The following PITPNM2 variants were observed in gnomAD, a reference collection of about 807,000 sequenced individuals.
PITPNM2 encodes phosphatidylinositol transfer protein membrane associated 2, also known as membrane-associated phosphatidylinositol transfer protein 2.
A neutral mutation model predicts 132.2 loss-of-function variants in PITPNM2; 35 were observed. That is an observed-to-expected ratio of 0.26 (90% CI 0.20 to 0.35). The LOEUF is 0.35. PITPNM2 is among the 10% of genes least tolerant of loss of function. The probability of loss-of-function intolerance (pLI) is 1.00; values close to 1 mark genes in which losing one functional copy is unlikely to be tolerated. For synonymous variants in PITPNM2, 738 were observed against 799.2 expected (o/e 0.92, Z 1.29); for missense variants, 1,332 against 1,912.0 (o/e 0.70, Z 5.66).
At chr12:123,098,738 G>A (rs183453157) in intron 2 of PITPNM2, among the ~76,000 whole-genome samples, 1 of 152,162 alleles carries the variant, frequency 6.6e-6, no homozygotes, top group African/African-American at 2.4e-5. Context: ...CACAAGGTTG[G>A]CGAGTGAGTC....
At chr12:123,026,299 G>C (rs558265738) in intron 3 of PITPNM2, among the ~76,000 whole-genome samples, 1 of 152,318 alleles carries the variant, frequency 6.6e-6, no homozygotes, top group African/African-American at 2.4e-5. Context: ...TAAATGGAGT[G>C]ACGTGGCCAC....
intron 2 of PITPNM2, among the ~76,000 whole-genome samples, chr12:123,080,473 C>T (rs546449690): frequency 6.6e-6 from 1 of 152,326 alleles, no homozygotes; most frequent in African/African-American, 2.4e-5. Flanking sequence ...GTTGCAGGCC[C>T]AGAGGCCCCA....
At chr12:123,038,917 C>T (rs890671831) in intron 2 of PITPNM2, among the ~76,000 whole-genome samples, 34 of 152,156 alleles carry the variant, frequency 2.2e-4, no homozygotes, top group African/African-American at 7.5e-4. Context: ...CTGGGCAATA[C>T]AGTGAGATAC....
chr12:123,021,612 G>A, intron 3 of PITPNM2: 2 of 931,320 alleles, frequency 2.1e-6, no homozygotes, highest in Non-Finnish European at 2.6e-6. Flanking sequence ...CCACTGCGGT[G>A]TCAGGTGAAG....
At chr12:123,128,370 A>G (rs1299593287) in intron 1 of PITPNM2, among the ~76,000 whole-genome samples, 1 of 129,234 alleles carries the variant, frequency 7.7e-6, no homozygotes, top group African/African-American at 3.0e-5. Context: ...TGAGCACAGG[A>G]GGTGGAGGTT....
At chr12:123,140,335 G>C (rs551688339) in intron 1 of PITPNM2, among the ~76,000 whole-genome samples, 1 of 152,304 alleles carries the variant, frequency 6.6e-6, no homozygotes, top group South Asian at 2.1e-4. Flanking sequence ...GGCACCCCCA[G>C]AGGACACAGC....
intron 1 of PITPNM2, among the ~76,000 whole-genome samples, chr12:123,112,293 C>T (rs1343923944): frequency 6.6e-6 from 1 of 152,118 alleles, no homozygotes; most frequent in Non-Finnish European, 1.5e-5. Context: ...CAGTTTTCCT[C>T]CAGTGACCCC....
At chr12:123,014,948 G>C (rs2039364532) in intron 3 of PITPNM2, among the ~76,000 whole-genome samples, 1 of 152,108 alleles carries the variant, frequency 6.6e-6, no homozygotes, top group Non-Finnish European at 1.5e-5. Flanking sequence ...AATAGCCTCT[G>C]AAAGAATAAA....
chr12:123,040,203 T>C (rs2040416169), intron 2 of PITPNM2, among the ~76,000 whole-genome samples: 2 of 151,792 alleles, frequency 1.3e-5, no homozygotes, highest in African/African-American at 4.8e-5. Flanking sequence ...TCTCAGAAAA[T>C]AGATTAGAGG....
In PITPNM2 at chr12:122,993,942, T is replaced by C. The variant is rs1172429544; in HGVS notation, c.2233+859A>G. Reference sequence around the variant, plus strand: ...AGGCTGGAGTGCAATGGCACAATCTTGGCTCACCGCAACCTCCGCCCTCCC... The same window carrying C: ...AGGCTGGAGTGCAATGGCACAATCTCGGCTCACCGCAACCTCCGCCCTCCC... On this transcript the variant is annotated intron_variant, in intron 15 of 25. Transcript: ENST00000320201. This position sits in a 1 kb window ranked among gnomAD's most constrained non-coding sequence, Gnocchi z 5.2. 6.6e-6 allele frequency among the ~76,000 whole-genome samples: 1 copy of C among 152,140 alleles called. No homozygotes were observed. The highest frequency in any genetic ancestry group is 2.4e-5 in the African/African-American group (1 of 41,424).
intron 2 of PITPNM2, among the ~76,000 whole-genome samples, chr12:123,039,769 C>T (rs2040398025): frequency 6.6e-6 from 1 of 152,112 alleles, no homozygotes; most frequent in Non-Finnish European, 1.5e-5. Flanking sequence ...ATGTGTGATG[C>T]TGAGAGTGGG....
chr12:123,128,344 A>T lies in PITPNM2; in HGVS notation c.-199-17856T>A, dbSNP rs1321008372. On this transcript the variant is annotated intron_variant, in intron 1 of 25. Transcript: ENST00000320201. ...GTAGTCCCAGCTACTTAGGAGGCTG[A>T]GGTGGGAGAATCACTTGAGCACAGG... 3.1e-5 allele frequency among the ~76,000 whole-genome samples: 4 copies of T among 129,238 alleles called. No homozygotes were observed. The East Asian group carries it at 7.6e-4, about 25-fold the overall frequency. The allele number at this position is 129,238 out of a possible 152,430, so 84.8% of individuals were successfully genotyped here.
chr12:123,122,306 A>G (rs781778352), intron 1 of PITPNM2, among the ~76,000 whole-genome samples: 14 of 152,110 alleles, frequency 9.2e-5, no homozygotes, highest in Non-Finnish European at 1.8e-4. Context: ...CTACTAAAAT[A>G]CAAAAATTAG....
chr12:123,140,470 T>C (rs996190156), intron 1 of PITPNM2, among the ~76,000 whole-genome samples: 3 of 152,042 alleles, frequency 2.0e-5, no homozygotes, highest in Admixed American at 1.3e-4. Context: ...ATGAGCAGGC[T>C]CAGGGAAAGA....
At chr12:123,096,490 T>C (rs1453942521) in intron 2 of PITPNM2, among the ~76,000 whole-genome samples, 1 of 152,150 alleles carries the variant, frequency 6.6e-6, no homozygotes, top group Non-Finnish European at 1.5e-5. Context: ...TGCCAGAATC[T>C]GCTTCTAGCT....
At chr12:123,151,651 TG>T (rs1304147887), upstream of PITPNM2, among the ~76,000 whole-genome samples, 1 of 151,968 alleles carries the variant, frequency 6.6e-6, no homozygotes, top group Non-Finnish European at 1.5e-5. Flanking sequence ...AGGGAGTAGC[TG>T]GAAGAGGATC....
intron 1 of PITPNM2, among the ~76,000 whole-genome samples, chr12:123,115,601 G>A (rs1000869941): frequency 6.6e-6 from 1 of 151,910 alleles, no homozygotes; most frequent in Non-Finnish European, 1.5e-5. Flanking sequence ...GCATAACAAA[G>A]AGGAGAAATT....
chr12:123,026,471 T>C (rs1031508772), intron 3 of PITPNM2, among the ~76,000 whole-genome samples: 1 of 152,212 alleles, frequency 6.6e-6, no homozygotes, highest in African/African-American at 2.4e-5. Flanking sequence ...GCTATGCAGT[T>C]TGTGGTTCTT....
chr12:123,009,281 T>C lies in PITPNM2; in HGVS notation c.643+569A>G, dbSNP rs1197965377. Reference sequence around the variant, plus strand: ...AGGGCTCTAGGTGAGGAAATGGCACTCACTGCACCAGGACCCCCAGGCCAT... The same window carrying C: ...AGGGCTCTAGGTGAGGAAATGGCACCCACTGCACCAGGACCCCCAGGCCAT... On this transcript the variant is annotated intron_variant, in intron 6 of 25. Transcript: ENST00000320201. This position sits in a 1 kb window ranked among gnomAD's most constrained non-coding sequence, Gnocchi z 4.8. Among the ~76,000 whole-genome samples, 4 of 152,158 alleles carry C rather than the reference T, an allele frequency of 2.6e-5. No homozygotes were observed. Among genetic ancestry groups the C allele is most frequent in the Admixed American group, 2.0e-4 (3 of 15,280 alleles).
Sources: allele counts gnomAD v4.1 joint callset (sites outside exome capture counted in the v4.1 genomes callset), GRCh38; gene constraint gnomAD v4.1.1; non-coding constraint Gnocchi (gnomAD v3.1); transcripts MANE v1.5; gene names NCBI Gene and HGNC (gene_info 2026-07-23, HGNC 2026-07-21).